The following MTCL3 variants were observed in gnomAD, a reference collection of about 807,000 sequenced individuals.
MTCL3 encodes the protein MTCL family member 3, also known as microtubule cross-linking factor 3.
At chr6:127,483,170 G>A in the MTCL3 span, among the ~76,000 whole-genome samples, 1 of 152,130 alleles carries the variant, frequency 6.6e-6, no homozygotes, top group Non-Finnish European at 1.5e-5. Flanking sequence ...TTTGGACTAG[G>A]ATACACATCA....
At chr6:127,475,243 C>T in the MTCL3 span, 22 of 1,529,292 alleles carry the variant, frequency 1.4e-5, no homozygotes, top group African/African-American at 4.1e-5. This position sits in a 1 kb window ranked among gnomAD's most constrained non-coding sequence, Gnocchi z 7.3. Flanking sequence ...GGACGCGGCT[C>T]CACGGGCCAG....
the MTCL3 span, chr6:127,475,620 G>A: frequency 2.5e-6 from 4 of 1,599,770 alleles, no homozygotes; most frequent in Admixed American, 3.3e-5. This position sits in a 1 kb window ranked among gnomAD's most constrained non-coding sequence, Gnocchi z 7.3. Context: ...GCCAGGGCCC[G>A]GGCGCCGGGT....
chr6:127,473,299 T>G, the MTCL3 span: 5 of 1,538,922 alleles, frequency 3.2e-6, no homozygotes, highest in East Asian at 2.5e-5. Flanking sequence ...CAAAAAACAG[T>G]GTAAAAAGGA....
chr6:127,487,096 C>A, the MTCL3 span, among the ~76,000 whole-genome samples: 2 of 152,156 alleles, frequency 1.3e-5, no homozygotes, highest in African/African-American at 4.8e-5. Flanking sequence ...TTCAGACTGA[C>A]AACAGACTTA....
the MTCL3 span, among the ~76,000 whole-genome samples, chr6:127,501,028 G>T: frequency 6.6e-6 from 1 of 152,152 alleles, no homozygotes; most frequent in Admixed American, 6.5e-5. Context: ...TAGCCAGGAT[G>T]GTCTTGATCT....
At chr6:127,496,827 G>T in the MTCL3 span, among the ~76,000 whole-genome samples, 1 of 152,058 alleles carries the variant, frequency 6.6e-6, no homozygotes. Context: ...GTATTATTTG[G>T]CAATTTACAA....
chr6:127,497,155 G>A, the MTCL3 span, among the ~76,000 whole-genome samples: 1 of 152,062 alleles, frequency 6.6e-6, no homozygotes, highest in Non-Finnish European at 1.5e-5. Flanking sequence ...TTGTACCATT[G>A]GAAATGGATT....
chr6:127,478,797 T>C, the MTCL3 span, among the ~76,000 whole-genome samples: 3 of 151,918 alleles, frequency 2.0e-5, no homozygotes, highest in African/African-American at 7.3e-5. Flanking sequence ...GGTGGGTGGA[T>C]CACAAGGTCA....
the MTCL3 span, among the ~76,000 whole-genome samples, chr6:127,507,882 C>T: frequency 2.8e-5 from 4 of 143,738 alleles, no homozygotes; most frequent in Non-Finnish European, 6.1e-5. Flanking sequence ...AAAAAAAATG[C>T]ATTCATAACA....
At chr6:127,517,301 T>C in the MTCL3 span, among the ~76,000 whole-genome samples, 1 of 152,236 alleles carries the variant, frequency 6.6e-6, no homozygotes, top group Non-Finnish European at 1.5e-5. Context: ...ACTTCCTTTA[T>C]AATAGAACTA....
chr6:127,506,014 T>C, the MTCL3 span, among the ~76,000 whole-genome samples: 5 of 152,176 alleles, frequency 3.3e-5, no homozygotes, highest in South Asian at 1.0e-3. Flanking sequence ...TCGAGAGCAC[T>C]CAGTTTAATT....
chr6:127,504,963 C>A, the MTCL3 span, among the ~76,000 whole-genome samples: 53 of 152,210 alleles, frequency 3.5e-4, no homozygotes, highest in African/African-American at 1.3e-3. Flanking sequence ...GTTAAAAACC[C>A]CACCTCAAGA....
the MTCL3 span, among the ~76,000 whole-genome samples, chr6:127,488,501 G>C: frequency 6.6e-6 from 1 of 152,070 alleles, no homozygotes; most frequent in Non-Finnish European, 1.5e-5. Flanking sequence ...CAAAGTAGTT[G>C]TTTAGTCTAT....
At chr6:127,516,143 C>T in the MTCL3 span, 2 of 1,447,846 alleles carry the variant, frequency 1.4e-6, no homozygotes, top group Admixed American at 5.7e-5. Context: ...GGGGGTTCCC[C>T]GAGTTTCGAG....
At chr6:127,498,823 GT>G in the MTCL3 span, among the ~76,000 whole-genome samples, 3 of 152,102 alleles carry the variant, frequency 2.0e-5, no homozygotes, top group South Asian at 6.2e-4. Context: ...GGTACAAAAG[GT>G]TACATATTTT....
the MTCL3 span, among the ~76,000 whole-genome samples, chr6:127,498,594 A>G: frequency 6.6e-6 from 1 of 152,196 alleles, no homozygotes; most frequent in Non-Finnish European, 1.5e-5. Context: ...ACCCAAGAGA[A>G]ATGAAAACAT....
At chr6:127,510,903 G>A in the MTCL3 span, among the ~76,000 whole-genome samples, 1 of 152,150 alleles carries the variant, frequency 6.6e-6, no homozygotes, top group Non-Finnish European at 1.5e-5. Flanking sequence ...CTCATTTGGA[G>A]ACAGAGGTAT....
the MTCL3 span, among the ~76,000 whole-genome samples, chr6:127,478,815 G>A: frequency 1.7e-4 from 26 of 152,066 alleles, 1 homozygote; most frequent in Admixed American, 3.9e-4. Flanking sequence ...TCAGGAGCTC[G>A]AAACCAGCCT....
the MTCL3 span, among the ~76,000 whole-genome samples, chr6:127,512,679 G>A: frequency 1.3e-4 from 20 of 152,236 alleles, no homozygotes; most frequent in South Asian, 3.3e-3. Context: ...GTCAAAGCTC[G>A]TACATGTCGA....
Sources: allele counts gnomAD v4.1 joint callset (sites outside exome capture counted in the v4.1 genomes callset), GRCh38; gene constraint gnomAD v4.1.1; non-coding constraint Gnocchi (gnomAD v3.1); transcripts MANE v1.5; gene names NCBI Gene and HGNC (gene_info 2026-07-23, HGNC 2026-07-21).